The following SFPQ variants were observed in gnomAD, a reference collection of about 807,000 sequenced individuals.
SFPQ encodes the protein splicing factor, proline- and glutamine-rich.
In SFPQ, 11 loss-of-function variants were observed where a neutral mutation model predicts 72.9. That is an observed-to-expected ratio of 0.15 (90% CI 0.09 to 0.25). The LOEUF is 0.25. Ranked by LOEUF, SFPQ falls within the 10% of genes least tolerant of loss-of-function variation. The pLI is 1.00. For missense variants in SFPQ, 847 were observed against 993.3 expected (o/e 0.85, Z 1.98); for synonymous variants, 506 against 367.3 (o/e 1.38, Z -4.32).
chr1:35,180,673 G>T (rs188597947), downstream of SFPQ: 3 of 1,055,014 alleles, frequency 2.8e-6, no homozygotes, highest in African/African-American at 3.3e-5. Flanking sequence ...AACTCAACTT[G>T]TAGAATTACC....
chr1:35,191,056 T>C (rs916793830), intron 2 of SFPQ, 61 bp from the exon 3 acceptor site: 3 of 1,411,442 alleles, frequency 2.1e-6, no homozygotes, highest in Non-Finnish European at 2.9e-6. Context: ...ACTCTTAAAT[T>C]GTCATAGGCC....
chr1:35,180,989 CCA>C (rs1467625753), downstream of SFPQ: 66 of 1,064,996 alleles, frequency 6.2e-5, no homozygotes, highest in South Asian at 2.7e-4. Context: ...AACCCCACAC[CCA>C]CACAGTTTTG....
downstream of SFPQ, chr1:35,179,396 C>T (rs1371591654): frequency 2.8e-6 from 3 of 1,056,192 alleles, no homozygotes; most frequent in Middle Eastern, 4.2e-4. Context: ...CAGAAAGCAC[C>T]GGTATCTGTT....
downstream of SFPQ, chr1:35,182,914 A>G: frequency 2.9e-6 from 3 of 1,046,068 alleles, no homozygotes; most frequent in Non-Finnish European, 2.3e-6. Flanking sequence ...TGAAGTTGAC[A>G]ATTAACTGAC....
chr1:35,191,480 TA>T lies in SFPQ; in HGVS notation c.877del (p.Tyr293ThrfsTer65). 6.2e-7 allele frequency: 1 copy of T among 1,614,208 alleles called. No individual in the cohort carries two copies. Among genetic ancestry groups the T allele is most frequent in the Non-Finnish European group, 8.5e-7 (1 of 1,180,024 alleles). On this transcript the variant is annotated frameshift_variant, in exon 2 of 10. Transcript: ENST00000357214. LOFTEE classifies it high-confidence loss of function. ...AACAAACAACCGACATCGCTGTGTG[TA>T]AGTTTTCTCTCCAGGCCTCCTCAAG... ...SLLRRPGEKT[Y>X]TQRCRLFVGN...
intron 7 of SFPQ, among the ~76,000 whole-genome samples, chr1:35,187,588 G>A (rs564247824): frequency 1.6e-4 from 24 of 151,900 alleles, no homozygotes; most frequent in African/African-American, 4.6e-4. Context: ...AAAATTAGCC[G>A]AGCCTGATGG....
chr1:35,184,567 A>G lies in SFPQ; in HGVS notation c.2013T>C (p.Gly671=). Reference sequence around the variant, plus strand: ...GACCCTGTCCACCCACAGGCCCCGCACCTCCCTGCCCAAAGCGCTCAGTAC... The same window carrying G: ...GACCCTGTCCACCCACAGGCCCCGCGCCTCCCTGCCCAAAGCGCTCAGTAC... ...DMRTERFGQG[G]AGPVGGQGPR... Residue 671 remains glycine (G), a synonymous_variant, in exon 10 of 10, where the codon GGT becomes GGC. Transcript: ENST00000357214. 1 of 1,608,098 alleles carries G rather than the reference A, an allele frequency of 6.2e-7. No homozygotes were observed. Among genetic ancestry groups the G allele is most frequent in the Non-Finnish European group, 8.5e-7 (1 of 1,178,196 alleles).
At chr1:35,182,895 G>A, downstream of SFPQ, 1 of 1,045,642 alleles carries the variant, frequency 9.6e-7, no homozygotes, top group Non-Finnish European at 1.2e-6. Context: ...CTAATGGAAG[G>A]GGGTTCAATG....
chr1:35,191,768 A>ACT (rs77556733), intron 1 of SFPQ, among the ~76,000 whole-genome samples: 35,408 of 152,026 alleles, frequency 0.23, 8,847 homozygotes, highest in East Asian at 0.68. Flanking sequence ...TCCATCAGCA[A>ACT]CTGTCACCCA....
downstream of SFPQ, chr1:35,180,625 T>G: frequency 9.5e-7 from 1 of 1,050,880 alleles, no homozygotes; most frequent in Non-Finnish European, 1.1e-6. Context: ...TTTTAAAAAT[T>G]TTAAATCGCA....
Position 35,184,005 on chromosome 1 carries a change from G to C in SFPQ, c.*451C>G, listed in dbSNP as rs115174762. The C allele has an allele frequency of 1.9e-6, 2 of 1,056,762 alleles. No individual in the cohort carries two copies. The highest frequency in any genetic ancestry group is 1.7e-5 in the African/African-American group (1 of 60,540). The allele number at this position is 1,056,762 out of a possible 1,614,324, so 65.5% of individuals were successfully genotyped here. A position where few individuals can be genotyped will look rare whatever the true frequency, so the allele number is the denominator to read the frequency against. Reference sequence around the variant, plus strand: ...AGAAAGCAATACTTAGCCTCCAGATGCATTTCCCAGAAATGGCATATGCCA... The same window carrying C: ...AGAAAGCAATACTTAGCCTCCAGATCCATTTCCCAGAAATGGCATATGCCA... On this transcript the variant is annotated 3_prime_UTR_variant, in exon 10 of 10. Transcript: ENST00000357214.
intron 4 of SFPQ, chr1:35,177,753 T>C (rs77173850): frequency 7.8e-4 from 126 of 162,260 alleles, no homozygotes; most frequent in African/African-American, 2.8e-3. Flanking sequence ...TTTTCTGTTC[T>C]TCTATGACCG....
downstream of SFPQ, chr1:35,181,518 A>T: frequency 9.4e-7 from 1 of 1,063,410 alleles, no homozygotes; most frequent in Non-Finnish European, 1.1e-6. Context: ...TGTTCTAAGC[A>T]AAGAGGATTA....
At chr1:35,186,901 T>G in intron 9 of SFPQ, 100 bp downstream of exon 9, 1 of 1,191,318 alleles carries the variant, frequency 8.4e-7, no homozygotes. Context: ...CTAAAAGAGG[T>G]CCAGTCACCT....
intron 1 of SFPQ, 121 bp downstream of exon 1, chr1:35,192,101 C>A (rs1331167602): frequency 7.4e-6 from 6 of 812,012 alleles, no homozygotes; most frequent in Admixed American, 4.5e-5. Context: ...GCCCCCGCAG[C>A]GGCGCGCGCA....
Position 35,187,266 on chromosome 1 carries a change from T to C in SFPQ, c.1816-15A>G. On this transcript the variant is annotated splice_polypyrimidine_tract_variant and intron_variant, in intron 7 of 9. Coordinates refer to ENST00000357214, the MANE Select transcript of SFPQ (RefSeq NM_005066.3). ...TCTCTTTCCCGCTGCAAGAAAAAAATTCCTTTCAATATACCTGCACTATAC... is the reference window on the plus strand; with the variant it reads ...TCTCTTTCCCGCTGCAAGAAAAAAACTCCTTTCAATATACCTGCACTATAC... 6.2e-7 allele frequency: 1 copy of C among 1,613,394 alleles called. No individual in the cohort carries two copies. Among genetic ancestry groups the C allele is most frequent in the African/African-American group, 1.3e-5 (1 of 75,008 alleles).
At chr1:35,178,570 T>G, downstream of SFPQ, 4 of 1,059,024 alleles carry the variant, frequency 3.8e-6, no homozygotes, top group Non-Finnish European at 3.4e-6. Context: ...CTTTCCCATC[T>G]AAGTCCTCAC....
At chr1:35,179,049 A>G, downstream of SFPQ, 1 of 1,058,904 alleles carries the variant, frequency 9.4e-7, no homozygotes, top group Non-Finnish European at 1.1e-6. Flanking sequence ...AATCCTCTGA[A>G]TTCTTTCCCT....
chr1:35,188,218 TA>T (rs751635500), intron 6 of SFPQ, 128 bp from the exon 7 acceptor site: 9 of 710,026 alleles, frequency 1.3e-5, no homozygotes, highest in Admixed American at 4.2e-5. Flanking sequence ...AGAGTGAGCC[TA>T]GGGGCATAGT....
Sources: gnomAD v4.1 joint callset for allele counts (sites outside exome capture counted in the v4.1 genomes callset) on GRCh38, gnomAD v4.1.1 for gene constraint, MANE v1.5 for transcripts, NCBI Gene and HGNC (gene_info 2026-07-23, HGNC 2026-07-21) for gene names.